The following TBX20 variants were observed in gnomAD, a reference collection of about 807,000 sequenced individuals.
TBX20 encodes T-box transcription factor 20, also known as T-box transcription factor TBX20.
A neutral mutation model predicts 42.9 loss-of-function variants in TBX20; 8 were observed. The ratio of observed to expected loss-of-function variants is 0.19; its 90% CI spans 0.11 to 0.34. The LOEUF (loss-of-function observed/expected upper bound fraction) is 0.34. TBX20 is among the 10% of genes least tolerant of loss of function. TBX20 has a pLI of 1.00. For missense variants in TBX20, 411 were observed against 566.0 expected, an observed-to-expected ratio of 0.73 and a Z score of 2.78; for synonymous variants, 198 against 222.8, an observed-to-expected ratio of 0.89 and a Z score of 0.99.
chr7:35,209,894 A>T (rs931260056), intron 6 of TBX20, among the ~76,000 whole-genome samples: 6 of 152,048 alleles, frequency 3.9e-5, no homozygotes, highest in Admixed American at 2.0e-4. Context: ...TTCCCTCTTG[A>T]TGTCTTCCTT....
rs777570442 is a variant in TBX20, at chr7:35,248,847, A to G, written c.381-6T>C. 1 of 876,194 alleles carries G rather than the reference A, an allele frequency of 1.1e-6. No homozygotes were observed. The highest frequency in any genetic ancestry group is 3.1e-5 in the South Asian group (1 of 32,270). 54.3% of individuals were successfully genotyped at this position (876,194 alleles called of 1,614,324 possible). A position where few individuals can be genotyped will look rare whatever the true frequency, so the allele number is the denominator to read the frequency against. On this transcript the variant is annotated splice_region_variant and splice_polypyrimidine_tract_variant and intron_variant, in intron 2 of 7. Coordinates refer to ENST00000408931, the MANE Select transcript of TBX20 (RefSeq NM_001077653.2). ...GGATGGTTGGAAACATCCTCCTGAC[A>G]GAGAGAGAGAGAGAGAATGGGCCCT...
At chr7:35,244,754 G>C (rs1790147521) in intron 4 of TBX20, among the ~76,000 whole-genome samples, 195 bp downstream of exon 4, 1 of 152,158 alleles carries the variant, frequency 6.6e-6, no homozygotes. Context: ...ATGGCACACA[G>C]CATTCCCGTA....
intron 1 of TBX20, among the ~76,000 whole-genome samples, chr7:35,252,325 A>C (rs1368205486): frequency 1.3e-5 from 2 of 151,684 alleles, no homozygotes; most frequent in Non-Finnish European, 2.9e-5. Flanking sequence ...GTTTAGATTT[A>C]GATGGGAGGT....
Position 35,250,163 on chromosome 7 carries a change from A to G in TBX20, c.168T>C (p.Gly56=). ...VEKSSCAQPL[G]ELTSLDAHGE... ...CATGAGCATCCAGGCTGGTCAGCTC[A>G]CCCAGGGGCTGGGCACAGGACGACT... The change falls in exon 2 of 8, where the codon GGT becomes GGC. Residue 56 remains glycine (G), a synonymous_variant. Transcript: ENST00000408931. 1 of 1,614,038 alleles carries G rather than the reference A, an allele frequency of 6.2e-7. No homozygotes were observed. The highest frequency in any genetic ancestry group is 1.3e-5 in the African/African-American group (1 of 75,010).
At chr7:35,207,772 G>T (rs1222725414) in intron 6 of TBX20, among the ~76,000 whole-genome samples, 1 of 151,982 alleles carries the variant, frequency 6.6e-6, no homozygotes, top group Non-Finnish European at 1.5e-5. Flanking sequence ...GTCTACTCTT[G>T]GACTCTTTAT....
intron 4 of TBX20, among the ~76,000 whole-genome samples, chr7:35,241,497 T>C (rs1435978154): frequency 6.6e-6 from 1 of 151,352 alleles, no homozygotes; most frequent in East Asian, 1.9e-4. Context: ...CAGACTTGGG[T>C]AAAAATTTTG....
chr7:35,236,767 C>T (rs1349342878), intron 5 of TBX20, among the ~76,000 whole-genome samples: 1 of 152,142 alleles, frequency 6.6e-6, no homozygotes, highest in Non-Finnish European at 1.5e-5. Flanking sequence ...TAAACTCAGA[C>T]ATAGTAGAAT....
At chr7:35,245,091 TC>T in intron 3 of TBX20, 34 bp from the exon 4 acceptor site, 1 of 1,462,362 alleles carries the variant, frequency 6.8e-7, no homozygotes, top group Non-Finnish European at 9.5e-7. Flanking sequence ...TATTGAGACT[TC>T]TTTAAAAAGT....
chr7:35,243,325 T>C (rs1250528812), intron 4 of TBX20, among the ~76,000 whole-genome samples: 2 of 152,112 alleles, frequency 1.3e-5, no homozygotes, highest in Non-Finnish European at 2.9e-5. Context: ...TAAGAAACCA[T>C]CTAAGACTAA....
At chr7:35,223,407 T>TA (rs2128712414) in intron 6 of TBX20, among the ~76,000 whole-genome samples, 2 of 152,168 alleles carry the variant, frequency 1.3e-5, no homozygotes, top group South Asian at 4.2e-4. Context: ...CTTAAAGGCA[T>TA]AAAACCGAGA....
At chr7:35,224,554 C>T (rs1461127628) in intron 6 of TBX20, among the ~76,000 whole-genome samples, 1 of 152,184 alleles carries the variant, frequency 6.6e-6, no homozygotes, top group Non-Finnish European at 1.5e-5. Flanking sequence ...TGCCTGTAAT[C>T]CCAGCTACTA....
chr7:35,202,595 C>T lies in TBX20; in HGVS notation c.1179G>A (p.Leu393=). ...IQGSLPPYSR[L]GMPLTPSAIA... is the part of the protein sequence containing the mutation. ...TGGCCGATGGTGTCAGAGGCATTCC[C>T]AGTCGGCTATATGGTGGCAGAGAAC... Residue 393 remains leucine, a synonymous_variant, in exon 8 of 8, where the codon CTG becomes CTA. Transcript: ENST00000408931. 6.2e-7 allele frequency: 1 copy of T among 1,614,018 alleles called. No individual in the cohort carries two copies. The highest frequency in any genetic ancestry group is 8.5e-7 in the Non-Finnish European group (1 of 1,179,934).
At chr7:35,213,473 T>C (rs941894014) in intron 6 of TBX20, among the ~76,000 whole-genome samples, 1 of 152,226 alleles carries the variant, frequency 6.6e-6, no homozygotes, top group African/African-American at 2.4e-5. Context: ...ATTTTGGATG[T>C]ATGTATTATT....
intron 6 of TBX20, among the ~76,000 whole-genome samples, chr7:35,229,821 T>C (rs1392341387): frequency 6.6e-6 from 1 of 152,158 alleles, no homozygotes; most frequent in Admixed American, 6.5e-5. Flanking sequence ...TTTAGATTTA[T>C]AAAATGCTGT....
chr7:35,246,097 T>C (rs1790178279), intron 3 of TBX20, among the ~76,000 whole-genome samples: 1 of 152,226 alleles, frequency 6.6e-6, no homozygotes, highest in South Asian at 2.1e-4. Context: ...ATTATTCATG[T>C]AAAGAACAAG....
intron 6 of TBX20, among the ~76,000 whole-genome samples, chr7:35,218,683 A>G (rs1374066611): frequency 6.6e-6 from 1 of 152,186 alleles, no homozygotes; most frequent in Non-Finnish European, 1.5e-5. Flanking sequence ...TCTATATTCC[A>G]GAAATAAAAT....
intron 5 of TBX20, among the ~76,000 whole-genome samples, chr7:35,235,272 T>A (rs1316192997): frequency 6.9e-6 from 1 of 144,368 alleles, no homozygotes; most frequent in East Asian, 2.0e-4. Context: ...TACATCTCTT[T>A]ATGAAATTTG....
In TBX20 at chr7:35,249,867, A is replaced by G. The variant is rs1646743454; in HGVS notation, c.380+84T>C. The G allele has an allele frequency of 2.0e-6, 3 of 1,471,786 alleles. No individual in the cohort carries two copies. Among genetic ancestry groups the G allele is most frequent in the African/African-American group, 1.4e-5 (1 of 71,130 alleles). 91.2% of individuals were successfully genotyped at this position (1,471,786 alleles called of 1,614,324 possible). ...TCCGCTCCATGACCAGCCAGCTCTC[A>G]TCTAGTTCCTGGAAGCACCCTCAAC... On this transcript the variant is annotated intron_variant, in intron 2 of 7. Coordinates refer to ENST00000408931, the MANE Select transcript of TBX20 (RefSeq NM_001077653.2). The surrounding 1 kb of genome is among the most constrained non-coding windows in gnomAD (Gnocchi z 4.3).
chr7:35,250,415 A>G (rs1241803060), intron 1 of TBX20, among the ~76,000 whole-genome samples: 1 of 152,198 alleles, frequency 6.6e-6, no homozygotes, highest in Non-Finnish European at 1.5e-5. Flanking sequence ...TGACCAAGCT[A>G]GTGAGTTCTA....
Sources: gnomAD v4.1 joint callset for allele counts (sites outside exome capture counted in the v4.1 genomes callset) on GRCh38, gnomAD v4.1.1 for gene constraint, Gnocchi (gnomAD v3.1) non-coding constraint, MANE v1.5 for transcripts, NCBI Gene and HGNC (gene_info 2026-07-23, HGNC 2026-07-21) for gene names.